ARHGAP8: variants seen among roughly 807,000 people sequenced by gnomAD.
ARHGAP8 encodes the protein Rho GTPase activating protein 8, also known as rho GTPase-activating protein 8.
ARHGAP8 carries 62 observed loss-of-function variants against 46.1 expected under a neutral mutation model. The observed-to-expected ratio is 1.34, with a 90% CI of 1.10 to 1.66. The LOEUF (loss-of-function observed/expected upper bound fraction) is 1.66, where lower values mean the gene tolerates loss of function less well. Ranked by LOEUF, ARHGAP8 falls within the 40% of genes most tolerant of loss-of-function variation. The pLI, the probability that ARHGAP8 is intolerant of heterozygous loss-of-function variation, is 0.00. For missense variants in ARHGAP8, 923 were observed against 568.4 expected, an observed-to-expected ratio of 1.62 and a Z score of -6.34; for synonymous variants, 375 against 243.1, an observed-to-expected ratio of 1.54 and a Z score of -5.05.
intron 4 of ARHGAP8, among the ~76,000 whole-genome samples, chr22:44,812,823 C>T (rs959188389): frequency 2.0e-5 from 3 of 152,090 alleles, no homozygotes; most frequent in East Asian, 1.9e-4. Flanking sequence ...CGGCATCTGA[C>T]GAAGGGAAGA....
At chr22:44,861,289 GGA>G (rs1351697437) in intron 11 of ARHGAP8, among the ~76,000 whole-genome samples, 1 of 152,126 alleles carries the variant, frequency 6.6e-6, no homozygotes, top group Non-Finnish European at 1.5e-5. Flanking sequence ...TTTTTCATTA[GGA>G]GAGACTGATT....
At chr22:44,851,807 C>T (rs1027105476) in intron 10 of ARHGAP8, among the ~76,000 whole-genome samples, 2 of 151,920 alleles carry the variant, frequency 1.3e-5, no homozygotes, top group Admixed American at 1.3e-4. Flanking sequence ...CCACTGTACT[C>T]CAGCCTGGAC....
intron 7 of ARHGAP8, among the ~76,000 whole-genome samples, chr22:44,828,543 G>A (rs1166479579): frequency 6.6e-6 from 1 of 150,620 alleles, no homozygotes; most frequent in African/African-American, 2.4e-5. Context: ...TCCGCCTCCC[G>A]GGTTTAAGCA....
At chr22:44,826,463 T>G (rs1930530164) in intron 7 of ARHGAP8, among the ~76,000 whole-genome samples, 1 of 152,180 alleles carries the variant, frequency 6.6e-6, no homozygotes, top group Non-Finnish European at 1.5e-5. Flanking sequence ...CTTGCTCTGC[T>G]TCTCAGGCAG....
intron 10 of ARHGAP8, 94 bp downstream of exon 10, chr22:44,849,154 G>T: frequency 6.3e-7 from 1 of 1,579,276 alleles, no homozygotes; most frequent in Admixed American, 1.7e-5. Context: ...GGTGGCCGAG[G>T]TGACGTGTAC....
At chr22:44,833,051 C>A (rs2147136989) in intron 7 of ARHGAP8, among the ~76,000 whole-genome samples, 1 of 151,194 alleles carries the variant, frequency 6.6e-6, no homozygotes, top group Non-Finnish European at 1.5e-5. Flanking sequence ...TTCATAGATG[C>A]CCTTTATCAG....
At chr22:44,782,428 C>G (rs908406094) in intron 1 of ARHGAP8, among the ~76,000 whole-genome samples, 8 of 152,206 alleles carry the variant, frequency 5.3e-5, no homozygotes, top group African/African-American at 9.7e-5. Flanking sequence ...TGTGTACCCA[C>G]CGCTGCTAGT....
chr22:44,771,801 C>T (rs190738943), intron 1 of ARHGAP8, among the ~76,000 whole-genome samples: 125 of 151,962 alleles, frequency 8.2e-4, no homozygotes, highest in East Asian at 4.6e-3. Context: ...GTGATCCACC[C>T]GCCTCGGCCT....
At chr22:44,802,882 C>G (rs534456716) in intron 3 of ARHGAP8, among the ~76,000 whole-genome samples, 1 of 152,330 alleles carries the variant, frequency 6.6e-6, no homozygotes, top group African/African-American at 2.4e-5. Flanking sequence ...CTCATCTGAA[C>G]TCATTGCACC....
At chr22:44,859,484 C>G (rs375711547) in intron 10 of ARHGAP8, among the ~76,000 whole-genome samples, 3 of 152,190 alleles carry the variant, frequency 2.0e-5, no homozygotes, top group African/African-American at 7.2e-5. Context: ...CTTGTACAGC[C>G]TGTAGAACCA....
rs868226279 is a variant in ARHGAP8, at chr22:44,835,478, G to A, written c.597-9791G>A. ...ACTAAAAGTACAAAAAAAATTAGCC[G>A]GGCATGGTTGCAGGCGCCTATAGGC... On this transcript the variant is annotated intron_variant, in intron 7 of 11. Coordinates refer to ENST00000356099, the MANE Select transcript of ARHGAP8 (RefSeq NM_181335.3). 2.0e-4 allele frequency among the ~76,000 whole-genome samples: 31 copies of A among 152,136 alleles called. 1 individual carries two copies. Among genetic ancestry groups the A allele is most frequent in the Admixed American group, 1.0e-3 (16 of 15,274 alleles).
intron 1 of ARHGAP8, among the ~76,000 whole-genome samples, chr22:44,774,161 A>T (rs1926245319): frequency 6.6e-6 from 1 of 152,106 alleles, no homozygotes; most frequent in African/African-American, 2.4e-5. Flanking sequence ...TGCCTTTCTA[A>T]CTCCAAGTCT....
chr22:44,795,587 G>T (rs1928023258), intron 2 of ARHGAP8, among the ~76,000 whole-genome samples: 1 of 152,072 alleles, frequency 6.6e-6, no homozygotes, highest in South Asian at 2.1e-4. Context: ...CAGGCCACGA[G>T]CCCTCCCCTC....
intron 10 of ARHGAP8, chr22:44,849,307 C>A: frequency 1.7e-6 from 1 of 584,018 alleles, no homozygotes; most frequent in Non-Finnish European, 2.9e-6. Context: ...GTCTCTCAGG[C>A]ACAGCTGGGC....
In ARHGAP8 at chr22:44,752,647, G is replaced by A. The variant is rs1276121115; in HGVS notation, c.-72+20G>A. 1 of 151,386 alleles carries A rather than the reference G, an allele frequency of 6.6e-6. No individual in the cohort carries two copies. The highest frequency in any genetic ancestry group is 2.4e-5 in the African/African-American group (1 of 41,200). 9.4% of individuals were successfully genotyped at this position (151,386 alleles called of 1,614,324 possible). ...GGCCAGGTAAGGCGGGCGGCGGCGG[G>A]AGGGAGCGCGCAGGGAGGAGGCCGT... On this transcript the variant is annotated intron_variant, in intron 1 of 11. Coordinates refer to ENST00000356099, the MANE Select transcript of ARHGAP8 (RefSeq NM_181335.3).
At position 44,854,237 on chromosome 22, in the gene ARHGAP8, C is replaced by CTTT. The variant is rs35201093; in HGVS notation, c.877+5192_877+5194dup. Reference sequence around the variant, plus strand: ...TCATTTCAAGGAATTCCCCTTGTATCTTTTTTTTTTTTTTTTTGAGACGGA... The same window carrying CTTT: ...TCATTTCAAGGAATTCCCCTTGTATCTTTTTTTTTTTTTTTTTTTTGAGACGGA... On this transcript the variant is annotated intron_variant, in intron 10 of 11. Transcript: ENST00000356099. 1.9e-3 allele frequency among the ~76,000 whole-genome samples: 253 copies of CTTT among 130,398 alleles called. 10 individuals carry two copies. The East Asian group carries it at 0.034, about 17-fold the overall frequency. The allele number at this position is 130,398 out of a possible 152,430, so 85.5% of individuals were successfully genotyped here.
At chr22:44,847,370 C>G (rs1000830730) in intron 8 of ARHGAP8, among the ~76,000 whole-genome samples, 2 of 152,260 alleles carry the variant, frequency 1.3e-5, no homozygotes, top group South Asian at 4.1e-4. Context: ...TGAACTTGGA[C>G]ATCATCTATA....
intron 7 of ARHGAP8, among the ~76,000 whole-genome samples, chr22:44,829,316 G>GA (rs1252511776): frequency 6.6e-6 from 1 of 151,180 alleles, no homozygotes; most frequent in African/African-American, 2.4e-5. Context: ...AAAAGAAAAA[G>GA]AAAAAACAAG....
chr22:44,834,037 C>G (rs773498368), intron 7 of ARHGAP8, among the ~76,000 whole-genome samples: 40 of 152,010 alleles, frequency 2.6e-4, no homozygotes, highest in Non-Finnish European at 5.0e-4. Flanking sequence ...AATCTTCACC[C>G]TTTTTTTCTT....
Sources: gnomAD v4.1 joint callset for allele counts (sites outside exome capture counted in the v4.1 genomes callset) on GRCh38, gnomAD v4.1.1 for gene constraint, MANE v1.5 for transcripts, NCBI Gene and HGNC (gene_info 2026-07-23, HGNC 2026-07-21) for gene names.